Variants in TLE1 observed in about 807,000 individuals in gnomAD.
The protein encoded by TLE1 is transducin-like enhancer protein 1.
A neutral mutation model predicts 89.8 loss-of-function variants in TLE1; 21 were observed. The observed-to-expected ratio is 0.23, with a 90% confidence interval of 0.17 to 0.34. The LOEUF is 0.34. Among genes scored for constraint, TLE1 ranks in the 10% least tolerant of loss-of-function variants. The probability of loss-of-function intolerance (pLI) is 1.00; values close to 1 mark genes in which losing one functional copy is unlikely to be tolerated. For synonymous variants in TLE1, 447 were observed against 407.6 expected, an observed-to-expected ratio of 1.10 and a Z score of -1.16; for missense variants, 795 against 1,031.2, an observed-to-expected ratio of 0.77 and a Z score of 3.14.
intron 6 of TLE1, among the ~76,000 whole-genome samples, chr9:81,651,472 C>A (rs1384527304): frequency 1.3e-5 from 2 of 152,108 alleles, no homozygotes; most frequent in African/African-American, 2.4e-5. Context: ...GAGAGGAGAG[C>A]AGAACCCCGG....
At chr9:81,612,005 T>A (rs1823780086) in intron 12 of TLE1, 46 bp from the exon 13 acceptor site, 3 of 1,368,156 alleles carry the variant, frequency 2.2e-6, no homozygotes, top group African/African-American at 1.5e-5. Context: ...ACCCACTCCA[T>A]CAAACCTGAC....
intron 2 of TLE1, 48 bp downstream of exon 2, chr9:81,687,286 G>C: frequency 1.3e-6 from 2 of 1,528,124 alleles, no homozygotes; most frequent in Admixed American, 1.9e-5. Context: ...GGGTGCAAGG[G>C]GCACCGGGAC....
At chr9:81,639,238 AT>A (rs1166358644) in intron 6 of TLE1, among the ~76,000 whole-genome samples, 2 of 137,596 alleles carry the variant, frequency 1.5e-5, no homozygotes, top group Non-Finnish European at 3.2e-5. Flanking sequence ...AGCTTGGCTA[AT>A]TTTTTTTACA....
intron 8 of TLE1, among the ~76,000 whole-genome samples, chr9:81,621,295 A>G (rs1825217588): frequency 6.6e-6 from 1 of 152,202 alleles, no homozygotes; most frequent in Admixed American, 6.5e-5. Context: ...CAGGCATTTT[A>G]GATATTTTGG....
chr9:81,646,403 A>G (rs1828868385), intron 6 of TLE1, among the ~76,000 whole-genome samples: 1 of 152,202 alleles, frequency 6.6e-6, no homozygotes, highest in South Asian at 2.1e-4. Flanking sequence ...TACGTCACTA[A>G]ATACAAGTTA....
intron 5 of TLE1, among the ~76,000 whole-genome samples, chr9:81,653,500 T>C (rs1440474814): frequency 6.6e-6 from 1 of 152,202 alleles, no homozygotes; most frequent in Non-Finnish European, 1.5e-5. Flanking sequence ...ATATGACTCA[T>C]TAAGTTAATG....
chr9:81,646,441 TAG>T (rs1828875234), intron 6 of TLE1, among the ~76,000 whole-genome samples: 1 of 152,228 alleles, frequency 6.6e-6, no homozygotes, highest in African/African-American at 2.4e-5. Flanking sequence ...ATGTTTGTTG[TAG>T]CTATTTAGTC....
chr9:81,631,825 G>A (rs540883436), intron 8 of TLE1, among the ~76,000 whole-genome samples: 26 of 152,306 alleles, frequency 1.7e-4, no homozygotes, highest in African/African-American at 5.5e-4. Flanking sequence ...CTATCTCACC[G>A]GGCATGGTGG....
intron 2 of TLE1, among the ~76,000 whole-genome samples, chr9:81,686,940 G>A (rs1322168850): frequency 5.3e-5 from 8 of 152,128 alleles, no homozygotes; most frequent in African/African-American, 1.7e-4. Context: ...TTCTAGTATG[G>A]CAAACAGCGA....
intron 9 of TLE1, 148 bp from the exon 10 acceptor site, chr9:81,616,847 C>T: frequency 2.5e-6 from 2 of 799,210 alleles, no homozygotes; most frequent in Admixed American, 2.6e-5. Flanking sequence ...TTTGCCAGTC[C>T]TAGTAATTAT....
At chr9:81,634,040 T>C in intron 7 of TLE1, 57 bp downstream of exon 7, 1 of 1,541,180 alleles carries the variant, frequency 6.5e-7, no homozygotes, top group Non-Finnish European at 8.8e-7. Context: ...CACACAACTT[T>C]GCAGCACTGT....
intron 4 of TLE1, among the ~76,000 whole-genome samples, chr9:81,684,478 C>A (rs1371557275): frequency 6.6e-6 from 1 of 152,116 alleles, no homozygotes; most frequent in Non-Finnish European, 1.5e-5. Context: ...ATTATGAAAT[C>A]TATGATGAAT....
chr9:81,661,765 CAAA>C (rs919360492), intron 4 of TLE1, among the ~76,000 whole-genome samples: 2 of 151,550 alleles, frequency 1.3e-5, no homozygotes, highest in African/African-American at 4.8e-5. Flanking sequence ...ATCCCCCCCC[CAAA>C]AAAAATGTAC....
At chr9:81,659,784 G>T (rs955027905) in intron 4 of TLE1, among the ~76,000 whole-genome samples, 4 of 152,080 alleles carry the variant, frequency 2.6e-5, no homozygotes, top group Non-Finnish European at 4.4e-5. Flanking sequence ...TCCCAACCAG[G>T]TCTCGTACTT....
At chr9:81,639,124 C>T (rs1195403775) in intron 6 of TLE1, among the ~76,000 whole-genome samples, 1 of 151,988 alleles carries the variant, frequency 6.6e-6, no homozygotes, top group African/African-American at 2.4e-5. Flanking sequence ...TGGGGTCTCA[C>T]CATGTTGCCC....
In TLE1 at chr9:81,688,317, G is replaced by A. The variant is rs535895630; in HGVS notation, c.-77C>T. ...AATTTCCAACTTTAATCCCGCCGAGGAAAATTAAGCCGGAAAGCCAAGCAG... is the reference window on the plus strand; with the variant it reads ...AATTTCCAACTTTAATCCCGCCGAGAAAAATTAAGCCGGAAAGCCAAGCAG... On this transcript the variant is annotated 5_prime_UTR_variant, in exon 1 of 20. Transcript: ENST00000376499. 101 of 1,425,464 alleles carry A rather than the reference G, an allele frequency of 7.1e-5. No homozygotes were observed. Among genetic ancestry groups the A allele is most frequent in the South Asian group, 1.8e-4 (13 of 70,778 alleles). 88.3% of individuals were successfully genotyped at this position (1,425,464 alleles called of 1,614,324 possible).
intron 4 of TLE1, among the ~76,000 whole-genome samples, chr9:81,662,515 G>A (rs1221078320): frequency 6.6e-6 from 1 of 151,764 alleles, no homozygotes; most frequent in Non-Finnish European, 1.5e-5. Flanking sequence ...GGCCAACATG[G>A]TGAACCCTGT....
intron 8 of TLE1, among the ~76,000 whole-genome samples, chr9:81,632,368 AAAG>A (rs1348571397): frequency 6.6e-6 from 1 of 152,184 alleles, no homozygotes; most frequent in East Asian, 1.9e-4. Flanking sequence ...GACAATTTTA[AAAG>A]TAGCTACTAT....
intron 6 of TLE1, among the ~76,000 whole-genome samples, chr9:81,651,827 G>C (rs188292051): frequency 2.0e-5 from 3 of 152,164 alleles, no homozygotes; most frequent in Admixed American, 1.3e-4. Context: ...CCACTTAAAA[G>C]TAGATTTAGG....
Sources: gnomAD v4.1 joint callset for allele counts (sites outside exome capture counted in the v4.1 genomes callset) on GRCh38, gnomAD v4.1.1 for gene constraint, MANE v1.5 for transcripts, NCBI Gene and HGNC (gene_info 2026-07-23, HGNC 2026-07-21) for gene names.